Variants in ARAP2 observed in about 807,000 individuals in gnomAD.
ARAP2 encodes ArfGAP with RhoGAP domain, ankyrin repeat and PH domain 2.
A neutral mutation model predicts 194.5 loss-of-function variants in ARAP2; 148 were observed. The observed-to-expected ratio is 0.76, with a 90% CI of 0.67 to 0.87. ARAP2 has a LOEUF of 0.87. ARAP2 is among the 40% of genes least tolerant of loss of function. ARAP2 has a pLI of 0.00. For missense variants in ARAP2, 2,128 were observed against 1,989.7 expected (o/e 1.07, Z -1.32); for synonymous variants, 695 against 683.5 (o/e 1.02, Z -0.26).
intron 19 of ARAP2, among the ~76,000 whole-genome samples, chr4:36,136,254 A>C (rs1726674092): frequency 6.6e-6 from 1 of 151,824 alleles, no homozygotes; most frequent in Non-Finnish European, 1.5e-5. Flanking sequence ...AGAAACATTT[A>C]CTTATATCCT....
At chr4:36,081,378 T>G (rs541554538) in intron 30 of ARAP2, among the ~76,000 whole-genome samples, 1 of 152,146 alleles carries the variant, frequency 6.6e-6, no homozygotes, top group African/African-American at 2.4e-5. Context: ...GAACAAAGGT[T>G]TAGTAGAGGG....
chr4:36,169,092 G>C (rs1375218306), intron 9 of ARAP2, among the ~76,000 whole-genome samples: 9 of 152,150 alleles, frequency 5.9e-5, no homozygotes, highest in African/African-American at 1.9e-4. Flanking sequence ...AAGTAAGGTA[G>C]CAGTAGCAAG....
chr4:36,093,216 TG>T (rs1714216694), intron 27 of ARAP2, among the ~76,000 whole-genome samples: 1 of 151,412 alleles, frequency 6.6e-6, no homozygotes, highest in Admixed American at 6.6e-5. Context: ...AGGCGGAGGG[TG>T]GGGGGAAGGA....
Position 36,216,775 on chromosome 4 carries a change from A to G in ARAP2, c.906-2295T>C, listed in dbSNP as rs149493125. On this transcript the variant is annotated intron_variant, in intron 2 of 32. Transcript: ENST00000303965. Reference sequence around the variant, plus strand: ...AAACTAATAATCTAAATAAATCTCAAAAATCATCATGCTGAGCAAAAGAAG... The same window carrying G: ...AAACTAATAATCTAAATAAATCTCAGAAATCATCATGCTGAGCAAAAGAAG... 8.0e-3 allele frequency among the ~76,000 whole-genome samples: 1,226 copies of G among 152,322 alleles called. 23 individuals carry two copies. The highest frequency in any genetic ancestry group is 0.028 in the African/African-American group (1,177 of 41,576).
At chr4:36,227,821 G>T (rs1466404955) in intron 2 of ARAP2, among the ~76,000 whole-genome samples, 2 of 152,104 alleles carry the variant, frequency 1.3e-5, no homozygotes, top group Non-Finnish European at 2.9e-5. Flanking sequence ...ACTATTTTAG[G>T]TATAACTTTG....
rs960164315 is a variant in ARAP2 at position 36,177,739 on chromosome 4, G to C, written c.1857+88C>G. ...ACAATGCTAAAACAAGACTCTATAA[G>C]TAAAATCACTAATAATCCTTCCAAA... On this transcript the variant is annotated intron_variant, in intron 9 of 32. Transcript: ENST00000303965. 1.2e-5 allele frequency: 16 copies of C among 1,336,762 alleles called. No individual in the cohort carries two copies. In the African/African-American group the frequency reaches 1.6e-4, roughly 14 times the overall value. The allele number at this position is 1,336,762 out of a possible 1,614,324, so 82.8% of individuals were successfully genotyped here.
intron 9 of ARAP2, among the ~76,000 whole-genome samples, chr4:36,008,871 T>A (rs1379023157): frequency 6.6e-6 from 1 of 151,868 alleles, no homozygotes; most frequent in Non-Finnish European, 1.5e-5. Context: ...ATAACCTTAT[T>A]CAAAATTGGG....
At position 36,148,393 on chromosome 4, in the gene ARAP2, A is replaced by C; in HGVS notation, c.3000+12T>G. On this transcript the variant is annotated intron_variant, in intron 17 of 32. Transcript: ENST00000303965. ...TCTCTGGATTTAGAGCAGTAACATA[A>C]TATTTAAATACCTTGGCTATTGCCT... 6.2e-7 allele frequency: 1 copy of C among 1,600,036 alleles called. No individual in the cohort carries two copies. Among genetic ancestry groups the C allele is most frequent in the African/African-American group, 1.3e-5 (1 of 74,664 alleles).
intron 22 of ARAP2, among the ~76,000 whole-genome samples, chr4:36,122,549 G>C (rs1170991744): frequency 6.6e-6 from 1 of 151,834 alleles, no homozygotes; most frequent in Non-Finnish European, 1.5e-5. Flanking sequence ...TCACTTATAA[G>C]TGGGAGCTAA....
chr4:36,171,320 C>T (rs1736572601), intron 9 of ARAP2, among the ~76,000 whole-genome samples: 1 of 152,060 alleles, frequency 6.6e-6, no homozygotes, highest in Non-Finnish European at 1.5e-5. Context: ...CACATATACA[C>T]CATGGAATAC....
chr4:36,197,887 AAG>A (rs1273378649), intron 6 of ARAP2, among the ~76,000 whole-genome samples: 14 of 152,236 alleles, frequency 9.2e-5, no homozygotes, highest in African/African-American at 3.1e-4. Context: ...AAGAGGTCCA[AAG>A]AGGGAGTCAC....
At chr4:36,168,663 T>C (rs1042784369) in intron 9 of ARAP2, among the ~76,000 whole-genome samples, 4 of 152,222 alleles carry the variant, frequency 2.6e-5, no homozygotes, top group Admixed American at 1.3e-4. Context: ...AAATGACTCA[T>C]TTAGAAAACA....
At chr4:36,022,444 T>C (rs1226100313) in intron 5 of ARAP2, among the ~76,000 whole-genome samples, 4 of 152,124 alleles carry the variant, frequency 2.6e-5, no homozygotes, top group South Asian at 4.1e-4. Context: ...GCCAGATACT[T>C]ATGCTTTCAG....
rs1733712467 is a variant in ARAP2 at position 36,160,750 on chromosome 4, C to A, written c.2260-109G>T. On this transcript the variant is annotated intron_variant, in intron 12 of 32. Transcript: ENST00000303965. ...TTAAAGCATAACTTAGTATAAAATA[C>A]AGGAAAACACATGAAAGACTCAACT... 4 of 927,512 alleles carry A rather than the reference C, an allele frequency of 4.3e-6. No homozygotes were observed. The South Asian group carries it at 1.6e-4, about 38-fold the overall frequency. The allele number at this position is 927,512 out of a possible 1,614,324, so 57.5% of individuals were successfully genotyped here. A position where few individuals can be genotyped will look rare whatever the true frequency, so the allele number is the denominator to read the frequency against.
chr4:36,026,543 C>G (rs991146019), intron 5 of ARAP2, among the ~76,000 whole-genome samples: 1 of 152,152 alleles, frequency 6.6e-6, no homozygotes, highest in Admixed American at 6.5e-5. Context: ...TCCAAGGATC[C>G]TCTGGCAACT....
chr4:36,057,751 A>G (rs564283433), intron 2 of ARAP2, among the ~76,000 whole-genome samples: 1 of 151,392 alleles, frequency 6.6e-6, no homozygotes, highest in African/African-American at 2.4e-5. Flanking sequence ...TTTTTTGTCT[A>G]TTTTCTTGTT....
At chr4:36,178,593 A>C (rs1415977748) in intron 8 of ARAP2, among the ~76,000 whole-genome samples, 1 of 152,136 alleles carries the variant, frequency 6.6e-6, no homozygotes, top group East Asian at 1.9e-4. Flanking sequence ...CCTTCCACAA[A>C]AGCTAAGTGA....
intron 1 of ARAP2, among the ~76,000 whole-genome samples, chr4:36,237,044 A>G (rs1752583028): frequency 6.6e-6 from 1 of 152,172 alleles, no homozygotes; most frequent in African/African-American, 2.4e-5. Flanking sequence ...TTTACATTTA[A>G]CTGCCCAAGA....
At chr4:36,087,668 T>C (rs926795449) in intron 28 of ARAP2, among the ~76,000 whole-genome samples, 44 of 152,140 alleles carry the variant, frequency 2.9e-4, no homozygotes, top group African/African-American at 9.6e-4. Context: ...GATATTAAAG[T>C]GTACATCAGC....
Sources: allele counts gnomAD v4.1 joint callset (sites outside exome capture counted in the v4.1 genomes callset), GRCh38; gene constraint gnomAD v4.1.1; transcripts MANE v1.5; gene names NCBI Gene and HGNC (gene_info 2026-07-23, HGNC 2026-07-21).